The following LIMK2 variants were observed in gnomAD, a reference collection of about 807,000 sequenced individuals.
LIMK2 encodes LIM domain kinase 2.
Under a neutral mutation model 75.7 loss-of-function variants are expected in LIMK2, and 35 were observed. The ratio of observed to expected loss-of-function variants is 0.46; its 90% CI spans 0.35 to 0.61. LIMK2 has a LOEUF of 0.61. Among genes scored for constraint, LIMK2 ranks in the 20% least tolerant of loss-of-function variants. The pLI, the probability that LIMK2 is intolerant of heterozygous loss-of-function variation, is 0.00. For missense variants in LIMK2, 623 were observed against 831.0 expected (o/e 0.75, Z 3.08); for synonymous variants, 301 against 319.2 (o/e 0.94, Z 0.61).
chr22:31,224,015 T>C (rs2048458545), intron 1 of LIMK2, among the ~76,000 whole-genome samples: 3 of 152,168 alleles, frequency 2.0e-5, no homozygotes, highest in African/African-American at 7.2e-5. Flanking sequence ...CCTGTGCCTG[T>C]GAAACAGGGT....
intron 2 of LIMK2, among the ~76,000 whole-genome samples, chr22:31,252,542 T>TAA (rs5844940): frequency 0.027 from 3,749 of 138,228 alleles, 132 homozygotes; most frequent in Admixed American, 0.098. Context: ...CTCTGTCTCT[T>TAA]AAAAAAAAAA....
chr22:31,277,166 G>C lies in LIMK2; in HGVS notation c.1773-1131G>C, dbSNP rs543706608. The C allele has an allele frequency of 4.2e-5, 68 of 1,613,060 alleles. No homozygotes were observed. The South Asian group carries it at 6.7e-4, about 16-fold the overall frequency. On this transcript the variant is annotated intron_variant, in intron 15 of 15. Transcript: ENST00000331728. The stretch of plus-strand genomic sequence containing the variant: ...GGGTCCCCGACCCAGGCGAACGGTG[G>C]CTCCCATAGGACAATCGCTACCCCC...
At chr22:31,256,996 G>A (rs1166943251) in intron 2 of LIMK2, among the ~76,000 whole-genome samples, 2 of 147,840 alleles carry the variant, frequency 1.4e-5, no homozygotes, top group Non-Finnish European at 3.0e-5. Context: ...CTTTTGAGAG[G>A]TGGAGCTTCA....
At chr22:31,277,920 TGGA>T (rs1396532135) in intron 15 of LIMK2, among the ~76,000 whole-genome samples, 5 of 152,106 alleles carry the variant, frequency 3.3e-5, no homozygotes, top group East Asian at 1.9e-4. Context: ...AGCATAAACA[TGGA>T]GGAGGAGGAG....
At chr22:31,264,687 C>T (rs1415159076) in intron 7 of LIMK2, among the ~76,000 whole-genome samples, 1 of 152,188 alleles carries the variant, frequency 6.6e-6, no homozygotes, top group African/African-American at 2.4e-5. Flanking sequence ...CATTGGGAGG[C>T]CGAGGCGGGC....
At chr22:31,266,448 CAG>C (rs541830976) in intron 8 of LIMK2, among the ~76,000 whole-genome samples, 74 of 152,218 alleles carry the variant, frequency 4.9e-4, no homozygotes, top group East Asian at 1.9e-4. Flanking sequence ...AAGGAGCACA[CAG>C]GGGAATGGCT....
At chr22:31,228,683 A>G (rs2048499580) in intron 2 of LIMK2, among the ~76,000 whole-genome samples, 1 of 152,214 alleles carries the variant, frequency 6.6e-6, no homozygotes, top group Non-Finnish European at 1.5e-5. Context: ...CTGTAATCCT[A>G]GCACTCTGGG....
chr22:31,236,673 G>T (rs895473901), intron 2 of LIMK2, among the ~76,000 whole-genome samples: 17 of 151,236 alleles, frequency 1.1e-4, no homozygotes, highest in African/African-American at 3.6e-4. Flanking sequence ...CAGCACTTTG[G>T]GAGGCCAAGG....
intron 2 of LIMK2, among the ~76,000 whole-genome samples, chr22:31,249,914 A>T (rs1358345378): frequency 6.6e-6 from 1 of 152,168 alleles, no homozygotes. Flanking sequence ...ATCTCTCAAC[A>T]GCCTAAAGAG....
Position 31,273,573 on chromosome 22 carries a change from TGG to T in LIMK2, c.1614+69_1614+70del. 9 of 1,282,412 alleles carry T rather than the reference TGG, an allele frequency of 7.0e-6. 1 individual carries two copies. In the Middle Eastern group the frequency reaches 1.7e-3, roughly 237 times the overall value. 79.4% of individuals were successfully genotyped at this position (1,282,412 alleles called of 1,614,324 possible). A position where few individuals can be genotyped will look rare whatever the true frequency, so the allele number is the denominator to read the frequency against. ...TAGCAGCTCTGCCTTCCCTCGGAAC[TGG>T]GGCATCTCCTCCTAGGGATGACTAG... On this transcript the variant is annotated intron_variant, in intron 14 of 15. Transcript: ENST00000331728.
intron 2 of LIMK2, among the ~76,000 whole-genome samples, chr22:31,226,895 C>A (rs1049141370): frequency 1.3e-5 from 2 of 152,214 alleles, no homozygotes; most frequent in Non-Finnish European, 2.9e-5. Flanking sequence ...CAGGCATGAG[C>A]CACCGCGCCC....
chr22:31,275,648 A>G (rs1212609505), intron 15 of LIMK2: 4 of 200,318 alleles, frequency 2.0e-5, no homozygotes, highest in African/African-American at 9.3e-5. Flanking sequence ...TTTATAGTAA[A>G]TAGTTCTGTA....
intron 14 of LIMK2, among the ~76,000 whole-genome samples, chr22:31,273,897 C>T (rs1417914394): frequency 6.6e-6 from 1 of 151,922 alleles, no homozygotes; most frequent in African/African-American, 2.4e-5. Flanking sequence ...AGGGTTTCAC[C>T]ATGTTGGCCA....
intron 5 of LIMK2, among the ~76,000 whole-genome samples, chr22:31,261,823 A>G (rs1364598099): frequency 6.6e-6 from 1 of 152,240 alleles, no homozygotes; most frequent in South Asian, 2.1e-4. Flanking sequence ...ACCGTGATCC[A>G]GGTAAGAGAT....
intron 2 of LIMK2, among the ~76,000 whole-genome samples, chr22:31,250,554 C>T (rs2123818195): frequency 6.7e-6 from 1 of 150,092 alleles, no homozygotes; most frequent in African/African-American, 2.4e-5. Context: ...CTGGGGGGTA[C>T]TGACTGACTT....
In LIMK2 at chr22:31,234,364, C is replaced by T. The variant is rs546168165; in HGVS notation, c.116+8545C>T. On this transcript the variant is annotated intron_variant, in intron 2 of 15. Coordinates refer to ENST00000331728, the MANE Select transcript of LIMK2 (RefSeq NM_005569.4). ...AACAAAAAAAAACTTGACTGTGTCA[C>T]TCTGTGTTGTCTCTCCTACCTTGTA... is the stretch of plus-strand genomic sequence containing the variant. Among the ~76,000 whole-genome samples, 3 of 151,064 alleles carry T rather than the reference C, an allele frequency of 2.0e-5. No individual in the cohort carries two copies. The East Asian group carries it at 5.9e-4, about 30-fold the overall frequency.
intron 5 of LIMK2, among the ~76,000 whole-genome samples, chr22:31,260,372 T>C (rs2048826644): frequency 6.6e-6 from 1 of 152,244 alleles, no homozygotes; most frequent in Non-Finnish European, 1.5e-5. Context: ...ATTAGTTGTT[T>C]ATCTTCTATC....
At chr22:31,226,661 G>T (rs1442847134) in intron 2 of LIMK2, among the ~76,000 whole-genome samples, 2 of 152,134 alleles carry the variant, frequency 1.3e-5, no homozygotes, top group Non-Finnish European at 2.9e-5. Flanking sequence ...CCAGGCTGGT[G>T]TACAGTGATG....
Position 31,273,515 on chromosome 22 carries a change from C to T in LIMK2, c.1614+8C>T, listed in dbSNP as rs767290520. On this transcript the variant is annotated splice_region_variant and intron_variant, in intron 14 of 15. Coordinates refer to ENST00000331728, the MANE Select transcript of LIMK2 (RefSeq NM_005569.4). ...GGGATCGTTCTCTGTGAGGTGAGCT[C>T]TGGCACCAAGGCCATGCCCGAGGCA... 4 of 1,613,138 alleles carry T rather than the reference C, an allele frequency of 2.5e-6. No homozygotes were observed. In the African/African-American group the frequency reaches 5.3e-5, roughly 22 times the overall value.
Sources: allele counts gnomAD v4.1 joint callset (sites outside exome capture counted in the v4.1 genomes callset), GRCh38; gene constraint gnomAD v4.1.1; transcripts MANE v1.5; gene names NCBI Gene and HGNC (gene_info 2026-07-23, HGNC 2026-07-21).